Variants in NEK11 observed in about 807,000 individuals in gnomAD.
NEK11 encodes the protein serine/threonine-protein kinase Nek11.
A neutral mutation model predicts 80.7 loss-of-function variants in NEK11; 72 were observed. That is an observed-to-expected ratio of 0.89 (90% CI 0.74 to 1.08). The LOEUF (loss-of-function observed/expected upper bound fraction) is 1.08. Ranked by LOEUF, NEK11 falls within the 50% of genes least tolerant of loss-of-function variation. The pLI is 0.00. For missense variants in NEK11, 764 were observed against 763.6 expected (o/e 1.00, Z -0.01); for synonymous variants, 251 against 260.7 (o/e 0.96, Z 0.36).
rs1490712621 is a variant in NEK11 at position 131,349,676 on chromosome 3, C to T, written c.1838C>T (p.Pro613Leu). ...EIRECLEKVV[P>L]QASDCFEVDQ... Reference sequence around the variant, plus strand: ...CGCGAGTGTTTGGAAAAAGTGGTGCCTCAAGCCAGCGACTGTTTTGAAGTG... The same window carrying T: ...CGCGAGTGTTTGGAAAAAGTGGTGCTTCAAGCCAGCGACTGTTTTGAAGTG... The change falls in exon 18 of 18, where the codon CCT (proline) becomes CTT (leucine). Residue 613 changes from proline to leucine, a missense_variant. Physicochemically the swap from Pro to Leu is moderately conservative, Grantham distance 98. Transcript: ENST00000383366. 1 of 1,614,010 alleles carries T rather than the reference C, an allele frequency of 6.2e-7. No homozygotes were observed. Among genetic ancestry groups the T allele is most frequent in the Admixed American group, 1.7e-5 (1 of 59,992 alleles).
chr3:131,088,292 G>C (rs1471392483), intron 4 of NEK11: 1 of 152,132 alleles, frequency 6.6e-6, no homozygotes, highest in African/African-American at 2.4e-5. Flanking sequence ...CAAAATTAAA[G>C]TCATTTGGTT....
At chr3:131,097,524 A>G (rs1330670126) in intron 4 of NEK11, among the ~76,000 whole-genome samples, 2 of 152,252 alleles carry the variant, frequency 1.3e-5, no homozygotes, top group South Asian at 2.1e-4. Context: ...TTGGCTGCAT[A>G]AATGTCTTCT....
chr3:131,134,880 T>A (rs778187423), intron 7 of NEK11, among the ~76,000 whole-genome samples: 2 of 152,162 alleles, frequency 1.3e-5, no homozygotes, highest in African/African-American at 2.4e-5. Context: ...AAGCAATAGA[T>A]CCTATTTCTT....
chr3:131,325,295 C>CATACCAT (rs1267188017), intron 17 of NEK11: 16 of 127,850 alleles, frequency 1.3e-4, no homozygotes, highest in Admixed American at 9.7e-4. Flanking sequence ...CAAGAAATAA[C>CATACCAT]TTATACCATT....
At chr3:131,050,316 G>A (rs1349878937) in intron 3 of NEK11, among the ~76,000 whole-genome samples, 2 of 152,262 alleles carry the variant, frequency 1.3e-5, no homozygotes, top group East Asian at 3.9e-4. Flanking sequence ...TTGTTTCTCT[G>A]AAGGGATTCC....
At chr3:131,176,519 C>T (rs2093025194) in intron 14 of NEK11, among the ~76,000 whole-genome samples, 1 of 152,118 alleles carries the variant, frequency 6.6e-6, no homozygotes, top group Non-Finnish European at 1.5e-5. Flanking sequence ...TTTCTGAGTT[C>T]TAGAGGATAA....
At chr3:131,238,337 T>C (rs1267358659) in intron 15 of NEK11, among the ~76,000 whole-genome samples, 2 of 152,210 alleles carry the variant, frequency 1.3e-5, no homozygotes, top group African/African-American at 4.8e-5. Flanking sequence ...TGAAAGCCAG[T>C]AGAGCAGATA....
At position 131,309,845 on chromosome 3, in the gene NEK11, C is replaced by G. The variant is rs750548456; in HGVS notation, c.1718+36271C>G. Among the ~76,000 whole-genome samples, 3 of 151,562 alleles carry G rather than the reference C, an allele frequency of 2.0e-5. No individual in the cohort carries two copies. In the South Asian group the frequency reaches 6.3e-4, roughly 32 times the overall value. On this transcript the variant is annotated intron_variant, in intron 17 of 17. Transcript: ENST00000383366. ...CTAAAAATTAAAAAGACAAATTAAT[C>G]AAGCTTGGTGGCACATGCCTGTAGT...
At chr3:131,070,009 T>C (rs1048885962) in intron 3 of NEK11, among the ~76,000 whole-genome samples, 3 of 152,210 alleles carry the variant, frequency 2.0e-5, no homozygotes, top group African/African-American at 7.2e-5. Context: ...AATGAATTAT[T>C]CATTAGAATA....
intron 16 of NEK11, among the ~76,000 whole-genome samples, chr3:131,249,730 C>G (rs1444762884): frequency 6.6e-6 from 1 of 152,122 alleles, no homozygotes; most frequent in Non-Finnish European, 1.5e-5. Context: ...CATTTACCAG[C>G]CTGAGAATCC....
chr3:131,284,506 T>C (rs1018857775), intron 17 of NEK11, among the ~76,000 whole-genome samples: 3 of 152,190 alleles, frequency 2.0e-5, no homozygotes, highest in Non-Finnish European at 2.9e-5. Flanking sequence ...CTCCCTGTGA[T>C]GGTTAAGTGA....
intron 17 of NEK11, among the ~76,000 whole-genome samples, chr3:131,278,082 G>A (rs1458162800): frequency 6.6e-6 from 1 of 152,218 alleles, no homozygotes; most frequent in African/African-American, 2.4e-5. Context: ...AGACATGCAT[G>A]TAGTATCTTT....
At chr3:131,198,969 C>T (rs1013785693) in intron 14 of NEK11, among the ~76,000 whole-genome samples, 1 of 152,160 alleles carries the variant, frequency 6.6e-6, no homozygotes, top group African/African-American at 2.4e-5. Flanking sequence ...TGAGGACAAG[C>T]CAGTATAGGC....
At chr3:131,323,760 G>A (rs981446529) in intron 17 of NEK11, among the ~76,000 whole-genome samples, 1 of 152,334 alleles carries the variant, frequency 6.6e-6, no homozygotes, top group Admixed American at 6.5e-5. Flanking sequence ...TTTGTTCTGT[G>A]TATATTGCTG....
chr3:131,165,699 G>A (rs971410080), intron 12 of NEK11, among the ~76,000 whole-genome samples, 180 bp downstream of exon 12: 17 of 152,174 alleles, frequency 1.1e-4, no homozygotes, highest in African/African-American at 3.6e-4. Flanking sequence ...CAAAGCGGCT[G>A]TAGCGAGAGG....
intron 14 of NEK11, among the ~76,000 whole-genome samples, chr3:131,210,213 C>G (rs1560986103): frequency 6.6e-6 from 1 of 152,162 alleles, no homozygotes; most frequent in Non-Finnish European, 1.5e-5. Flanking sequence ...CAAAGAACAT[C>G]TTTATTTCTG....
At chr3:131,228,069 A>G (rs751298819) in intron 14 of NEK11, among the ~76,000 whole-genome samples, 6 of 152,048 alleles carry the variant, frequency 3.9e-5, no homozygotes, top group Non-Finnish European at 8.8e-5. Context: ...TGGTCCTACC[A>G]GTAACATTTA....
At chr3:131,205,087 A>G (rs1254800699) in intron 14 of NEK11, among the ~76,000 whole-genome samples, 4 of 152,188 alleles carry the variant, frequency 2.6e-5, no homozygotes, top group Admixed American at 6.5e-5. Context: ...AAGACTCACC[A>G]TCCTTAGGAA....
At chr3:131,071,848 A>G (rs1376271872) in intron 3 of NEK11, among the ~76,000 whole-genome samples, 1 of 152,120 alleles carries the variant, frequency 6.6e-6, no homozygotes, top group African/African-American at 2.4e-5. Context: ...AAATTAGTAG[A>G]CTCATTAACT....
Sources: allele counts gnomAD v4.1 joint callset (sites outside exome capture counted in the v4.1 genomes callset), GRCh38; gene constraint gnomAD v4.1.1; transcripts MANE v1.5; gene names NCBI Gene and HGNC (gene_info 2026-07-23, HGNC 2026-07-21).